The following ATP2B4 variants were observed in gnomAD, a reference collection of about 807,000 sequenced individuals.
ATP2B4 encodes the protein ATPase plasma membrane Ca2+ transporting 4.
A neutral mutation model predicts 110.3 loss-of-function variants in ATP2B4; 39 were observed. The observed-to-expected ratio is 0.35, with a 90% confidence interval of 0.27 to 0.46. The LOEUF is 0.46. Among genes scored for constraint, ATP2B4 ranks in the 20% least tolerant of loss-of-function variants. The probability of loss-of-function intolerance (pLI) is 1.00; values close to 1 mark genes in which losing one functional copy is unlikely to be tolerated. For synonymous variants in ATP2B4, 538 were observed against 571.7 expected (o/e 0.94, Z 0.84); for missense variants, 1,135 against 1,530.9 (o/e 0.74, Z 4.32).
Position 203,715,781 on chromosome 1 carries a change from G to A in ATP2B4, c.2406+1504G>A, listed in dbSNP as rs191601579. Reference sequence around the variant, plus strand: ...TTTTATAGTTTATTTGCCCAAATCAGGATTCAGATAAGATCCATAACTTGC... The same window carrying A: ...TTTTATAGTTTATTTGCCCAAATCAAGATTCAGATAAGATCCATAACTTGC... On this transcript the variant is annotated intron_variant, in intron 15 of 20. Transcript: ENST00000357681. Among the ~76,000 whole-genome samples the A allele has an allele frequency of 1.9e-4, 28 of 144,526 alleles. 4 individuals are homozygous for A. Among genetic ancestry groups the A allele is most frequent in the African/African-American group, 6.1e-4 (24 of 39,604 alleles). The allele number at this position is 144,526 out of a possible 152,430, so 94.8% of individuals were successfully genotyped here. A position where few individuals can be genotyped will look rare whatever the true frequency, so the allele number is the denominator to read the frequency against.
chr1:203,731,446 C>A (rs1026425738), intron 20 of ATP2B4, among the ~76,000 whole-genome samples: 3 of 152,126 alleles, frequency 2.0e-5, no homozygotes, highest in African/African-American at 7.2e-5. Context: ...GATTATTCTA[C>A]CAGATTCATG....
At chr1:203,652,909 G>T (rs1664041515) in intron 1 of ATP2B4, among the ~76,000 whole-genome samples, 1 of 152,116 alleles carries the variant, frequency 6.6e-6, no homozygotes, top group Non-Finnish European at 1.5e-5. Context: ...CCCTACAATG[G>T]CCTCTAAGTG....
At chr1:203,703,193 G>T (rs1665746929) in intron 7 of ATP2B4, among the ~76,000 whole-genome samples, 1 of 142,912 alleles carries the variant, frequency 7.0e-6, no homozygotes, top group Non-Finnish European at 1.5e-5. Flanking sequence ...GAGAGAGAGA[G>T]AGAGATAAAC....
intron 1 of ATP2B4, among the ~76,000 whole-genome samples, chr1:203,663,797 T>C (rs192756914): frequency 5.2e-4 from 79 of 152,208 alleles, no homozygotes; most frequent in Non-Finnish European, 1.0e-3. Context: ...AGAGACGGTG[T>C]CTCACTGTAT....
At chr1:203,736,230 C>T (rs111371989) in intron 20 of ATP2B4, among the ~76,000 whole-genome samples, 8 of 152,100 alleles carry the variant, frequency 5.3e-5, no homozygotes, top group Non-Finnish European at 7.4e-5. Context: ...TTTGGGAGGC[C>T]GAGGCAGGTG....
intron 20 of ATP2B4, among the ~76,000 whole-genome samples, chr1:203,737,443 G>A (rs1287833774): frequency 6.6e-6 from 1 of 152,158 alleles, no homozygotes; most frequent in Non-Finnish European, 1.5e-5. Context: ...GGATGACTTT[G>A]GACCCATCTC....
intron 1 of ATP2B4, among the ~76,000 whole-genome samples, chr1:203,640,483 A>G (rs61825608): frequency 6.6e-6 from 1 of 151,508 alleles, no homozygotes; most frequent in Admixed American, 6.6e-5. Context: ...ATGCCCAGCT[A>G]ATTTTTTTTT....
intron 1 of ATP2B4, among the ~76,000 whole-genome samples, chr1:203,637,160 G>A (rs1016234640): frequency 1.3e-5 from 2 of 152,126 alleles, no homozygotes; most frequent in East Asian, 1.9e-4. Flanking sequence ...GGCTGGGTGC[G>A]GTGGCTCACG....
intron 18 of ATP2B4, among the ~76,000 whole-genome samples, chr1:203,723,392 GTT>G (rs10593701): frequency 0.26 from 31,516 of 123,432 alleles, 4,859 homozygotes; most frequent in Admixed American, 0.39. Context: ...TTTTCTTTTT[GTT>G]TTTTTTTTTT....
intron 1 of ATP2B4, chr1:203,657,015 G>A: frequency 1.3e-6 from 1 of 745,772 alleles, no homozygotes; most frequent in Non-Finnish European, 2.4e-6. Context: ...CAGGACTGTT[G>A]GTAACCTGAG....
chr1:203,680,460 T>C (rs1213782930), intron 1 of ATP2B4, among the ~76,000 whole-genome samples: 1 of 151,878 alleles, frequency 6.6e-6, no homozygotes. Context: ...ATACAAAAAA[T>C]TAGCCGGGTG....
Position 203,742,192 on chromosome 1 carries a change from C to G in ATP2B4, c.*2338C>G, listed in dbSNP as rs1667009065. 1 of 152,458 alleles carries G rather than the reference C, an allele frequency of 6.6e-6. No individual in the cohort carries two copies. Among genetic ancestry groups the G allele is most frequent in the Non-Finnish European group, 1.5e-5 (1 of 68,018 alleles). 9.4% of individuals were successfully genotyped at this position (152,458 alleles called of 1,614,324 possible). ...TTAAAATAAAGTGCCGTCATGTAGCCCTGTGGAAGGGAGCACATAACCAGC... is the reference window on the plus strand; with the variant it reads ...TTAAAATAAAGTGCCGTCATGTAGCGCTGTGGAAGGGAGCACATAACCAGC... On this transcript the variant is annotated 3_prime_UTR_variant, in exon 21 of 21. Coordinates refer to ENST00000357681, the MANE Select transcript of ATP2B4 (RefSeq NM_001684.5).
At chr1:203,633,622 G>T (rs1663343670) in intron 1 of ATP2B4, among the ~76,000 whole-genome samples, 1 of 151,666 alleles carries the variant, frequency 6.6e-6, no homozygotes, top group Non-Finnish European at 1.5e-5. Context: ...AAATTAGCCG[G>T]AAATCGATTG....
At chr1:203,662,034 T>A (rs906749958) in intron 1 of ATP2B4, among the ~76,000 whole-genome samples, 1 of 139,052 alleles carries the variant, frequency 7.2e-6, no homozygotes, top group Admixed American at 7.1e-5. Context: ...CATCTTCACC[T>A]TTTTTTTTTT....
At chr1:203,641,771 C>T (rs1663637281) in intron 1 of ATP2B4, among the ~76,000 whole-genome samples, 1 of 152,280 alleles carries the variant, frequency 6.6e-6, no homozygotes, top group South Asian at 2.1e-4. Context: ...CCAGGCCTGA[C>T]ACCAAAGCTC....
chr1:203,654,793 G>A (rs1169514898), intron 1 of ATP2B4, among the ~76,000 whole-genome samples: 1 of 151,800 alleles, frequency 6.6e-6, no homozygotes, highest in Non-Finnish European at 1.5e-5. Flanking sequence ...AGGCTGAAGT[G>A]AGAGGATCGT....
At position 203,703,947 on chromosome 1, in the gene ATP2B4, C is replaced by T. The variant is rs1327139821; in HGVS notation, c.1099+134C>T. 1.0e-5 allele frequency: 12 copies of T among 1,152,272 alleles called. No individual in the cohort carries two copies. The South Asian group carries it at 1.4e-4, about 13-fold the overall frequency. The allele number at this position is 1,152,272 out of a possible 1,614,324, so 71.4% of individuals were successfully genotyped here. A position where few individuals can be genotyped will look rare whatever the true frequency, so the allele number is the denominator to read the frequency against. ...TTCAGGGTGGCTAGTTGGGGCTAGG[C>T]GGCTGTTTCCCTATCTCCGCCACTG... On this transcript the variant is annotated intron_variant, in intron 8 of 20. Transcript: ENST00000357681.
intron 2 of ATP2B4, among the ~76,000 whole-genome samples, chr1:203,685,272 A>G (rs1409100135): frequency 6.6e-6 from 1 of 152,276 alleles, no homozygotes; most frequent in Non-Finnish European, 1.5e-5. Flanking sequence ...ATCAAAATGT[A>G]GAAAGAACAA....
chr1:203,722,056 C>T (rs1189925032), intron 17 of ATP2B4, among the ~76,000 whole-genome samples: 2 of 152,134 alleles, frequency 1.3e-5, no homozygotes, highest in Admixed American at 6.5e-5. Context: ...CTGACTCCAG[C>T]GCACATAGTC....
Sources: gnomAD v4.1 joint callset for allele counts (sites outside exome capture counted in the v4.1 genomes callset) on GRCh38, gnomAD v4.1.1 for gene constraint, MANE v1.5 for transcripts, NCBI Gene and HGNC (gene_info 2026-07-23, HGNC 2026-07-21) for gene names.